SLC14A2: variants seen among roughly 807,000 people sequenced by gnomAD.
SLC14A2 encodes the protein solute carrier family 14 member 2.
A neutral mutation model predicts 104.6 loss-of-function variants in SLC14A2; 91 were observed. The ratio of observed to expected loss-of-function variants is 0.87; its 90% CI spans 0.73 to 1.04. SLC14A2 has a LOEUF of 1.04. SLC14A2 is among the 50% of genes least tolerant of loss of function. SLC14A2 has a pLI of 0.00. For synonymous variants in SLC14A2, 476 were observed against 466.4 expected (o/e 1.02, Z -0.27); for missense variants, 1,189 against 1,156.0 (o/e 1.03, Z -0.41).
chr18:45,445,788 T>A (rs899512415), intron 1 of SLC14A2, among the ~76,000 whole-genome samples: 11 of 152,166 alleles, frequency 7.2e-5, no homozygotes, highest in Non-Finnish European at 1.6e-4. Context: ...ATGAGGCCCT[T>A]CCCTCCCAAA....
intron 1 of SLC14A2, among the ~76,000 whole-genome samples, chr18:45,226,396 A>G (rs910564608): frequency 2.0e-5 from 3 of 152,178 alleles, no homozygotes; most frequent in African/African-American, 7.2e-5. Context: ...ACTATTCACA[A>G]TAGCAAAGAC....
At chr18:45,398,313 C>A (rs2144441362) in intron 1 of SLC14A2, among the ~76,000 whole-genome samples, 2 of 152,190 alleles carry the variant, frequency 1.3e-5, no homozygotes, top group East Asian at 1.9e-4. Context: ...CTACCAAAAT[C>A]AAACAATGAA....
At chr18:45,325,816 C>T (rs1003057643) in intron 1 of SLC14A2, among the ~76,000 whole-genome samples, 1 of 152,150 alleles carries the variant, frequency 6.6e-6, no homozygotes, top group African/African-American at 2.4e-5. Context: ...GTTTCCAAAC[C>T]TGTGTGCCTG....
intron 1 of SLC14A2, among the ~76,000 whole-genome samples, chr18:45,397,159 A>T (rs551501207): frequency 6.6e-6 from 1 of 152,314 alleles, no homozygotes; most frequent in South Asian, 2.1e-4. Flanking sequence ...AGAATGATTT[A>T]TATTCCTCTG....
chr18:45,414,757 A>AAATATATATATAT (rs1360051908), intron 1 of SLC14A2, among the ~76,000 whole-genome samples: 9 of 76,100 alleles, frequency 1.2e-4, no homozygotes, highest in African/African-American at 3.8e-4. Flanking sequence ...AAAAAAAAAA[A>AAATATATATATAT]ATATATATAT....
intron 2 of SLC14A2, among the ~76,000 whole-genome samples, chr18:45,548,558 G>A (rs796566702): frequency 1.3e-4 from 20 of 152,150 alleles, no homozygotes; most frequent in African/African-American, 4.3e-4. Context: ...AAAAAAATTA[G>A]CCATGCGTGG....
rs372038965 is a variant in SLC14A2, at chr18:45,297,389, C to T, written c.-125+84198C>T. On this transcript the variant is annotated intron_variant, in intron 1 of 20. Transcript: ENST00000586448. ...CAGGCCAGATTTGGTTAGCATCCTT[C>T]GACAGGATTCTTATCCAGGATGGCA... 3.9e-5 allele frequency among the ~76,000 whole-genome samples: 6 copies of T among 152,316 alleles called. No homozygotes were observed. In the East Asian group the frequency reaches 5.8e-4, roughly 15 times the overall value.
chr18:45,325,297 G>A (rs533675177), intron 1 of SLC14A2, among the ~76,000 whole-genome samples: 1 of 152,346 alleles, frequency 6.6e-6, no homozygotes, highest in East Asian at 1.9e-4. Context: ...CAGCTTCTGA[G>A]CTGGGGAAAA....
chr18:45,644,685 T>A (rs2045589128), intron 10 of SLC14A2, among the ~76,000 whole-genome samples: 1 of 152,038 alleles, frequency 6.6e-6, no homozygotes, highest in South Asian at 2.1e-4. Context: ...CAGGGACGAT[T>A]GGGGCAGGGA....
chr18:45,203,241 C>T, the SLC14A2 span, among the ~76,000 whole-genome samples: 1 of 152,104 alleles, frequency 6.6e-6, no homozygotes, highest in Non-Finnish European at 1.5e-5. Flanking sequence ...AAAACAAGCC[C>T]CTGGACACCT....
chr18:45,678,104 C>A (rs1568007216), intron 18 of SLC14A2, among the ~76,000 whole-genome samples: 1 of 152,172 alleles, frequency 6.6e-6, no homozygotes, highest in Non-Finnish European at 1.5e-5. Flanking sequence ...CAGACGTGAG[C>A]CGCCACTCCC....
At chr18:45,565,367 G>A (rs535058502) in intron 2 of SLC14A2, among the ~76,000 whole-genome samples, 3 of 152,114 alleles carry the variant, frequency 2.0e-5, no homozygotes, top group Non-Finnish European at 2.9e-5. Context: ...CTCATGATCC[G>A]CCCGCCTCGT....
the SLC14A2 span, among the ~76,000 whole-genome samples, chr18:45,174,738 G>T: frequency 6.6e-6 from 1 of 152,120 alleles, no homozygotes; most frequent in Admixed American, 6.6e-5. Flanking sequence ...GGGCAGGGTA[G>T]CAGGGGACAG....
At chr18:45,169,271 G>A in the SLC14A2 span, 1 of 152,214 alleles carries the variant, frequency 6.6e-6, no homozygotes, top group African/African-American at 2.4e-5. Flanking sequence ...AATTTTTGCT[G>A]AAATTTGACT....
chr18:45,568,386 C>T (rs183190595), intron 2 of SLC14A2, among the ~76,000 whole-genome samples: 4 of 152,350 alleles, frequency 2.6e-5, no homozygotes, highest in Non-Finnish European at 5.9e-5. Flanking sequence ...CTGCTCTCTC[C>T]TTGCCTTCAG....
intron 2 of SLC14A2, among the ~76,000 whole-genome samples, chr18:45,539,175 G>GCAGGGATTCAGCTGGGAATT (rs1555702910): frequency 2.0e-5 from 3 of 150,588 alleles, no homozygotes; most frequent in Non-Finnish European, 4.4e-5. Context: ...CTAGGTGGAT[G>GCAGGGATTCAGCTGGGAATT]CAGGGATTCA....
chr18:45,419,176 C>T (rs2086311678), intron 1 of SLC14A2, among the ~76,000 whole-genome samples: 2 of 152,192 alleles, frequency 1.3e-5, no homozygotes, highest in South Asian at 2.1e-4. Flanking sequence ...GAGTGCTATC[C>T]TTTGAAACTA....
intron 1 of SLC14A2, among the ~76,000 whole-genome samples, chr18:45,377,564 C>T (rs2085788693): frequency 6.6e-6 from 1 of 152,110 alleles, no homozygotes; most frequent in African/African-American, 2.4e-5. Flanking sequence ...TCCCCCTCTC[C>T]TTTTCTAATC....
chr18:45,589,124 C>T (rs1482818014), intron 2 of SLC14A2, among the ~76,000 whole-genome samples: 1 of 152,226 alleles, frequency 6.6e-6, no homozygotes, highest in Non-Finnish European at 1.5e-5. Flanking sequence ...CAGATCATAA[C>T]ATTAAATTAC....
Sources: gnomAD v4.1 joint callset for allele counts (sites outside exome capture counted in the v4.1 genomes callset) on GRCh38, gnomAD v4.1.1 for gene constraint, MANE v1.5 for transcripts, NCBI Gene and HGNC (gene_info 2026-07-23, HGNC 2026-07-21) for gene names.